ADAMTS18: variants seen among roughly 807,000 people sequenced by gnomAD.
ADAMTS18 encodes the protein A disintegrin and metalloproteinase with thrombospondin motifs 18.
A neutral mutation model predicts 165.9 loss-of-function variants in ADAMTS18; 157 were observed. The ratio of observed to expected loss-of-function variants is 0.95; its 90% CI spans 0.83 to 1.08. The LOEUF (loss-of-function observed/expected upper bound fraction) is 1.08, where lower values mean the gene tolerates loss of function less well. Ranked by LOEUF, ADAMTS18 falls within the 50% of genes least tolerant of loss-of-function variation. ADAMTS18 has a pLI of 0.00. For missense variants in ADAMTS18, 2,040 were observed against 1,534.0 expected, an observed-to-expected ratio of 1.33 and a Z score of -5.51; for synonymous variants, 782 against 578.2, an observed-to-expected ratio of 1.35 and a Z score of -5.06.
intron 5 of ADAMTS18, 113 bp downstream of exon 5, chr16:77,364,075 A>G: frequency 7.2e-7 from 1 of 1,394,654 alleles, no homozygotes; most frequent in Non-Finnish European, 1.0e-6. Context: ...AATGGCAGAA[A>G]CTGCAATTAC....
intron 3 of ADAMTS18, among the ~76,000 whole-genome samples, chr16:77,415,461 G>A (rs1317076567): frequency 6.6e-6 from 1 of 152,178 alleles, no homozygotes; most frequent in African/African-American, 2.4e-5. Context: ...CAAGATGGTT[G>A]CCAGCAACCC....
chr16:77,291,218 T>A (rs767722474), intron 21 of ADAMTS18, 48 bp downstream of exon 21: 1 of 1,603,266 alleles, frequency 6.2e-7, no homozygotes, highest in Non-Finnish European at 8.5e-7. Context: ...CGCCTCATTT[T>A]TCGACATCTC....
chr16:77,382,597 A>G (rs1372281505), intron 3 of ADAMTS18, among the ~76,000 whole-genome samples: 2 of 152,194 alleles, frequency 1.3e-5, no homozygotes, highest in Non-Finnish European at 2.9e-5. Flanking sequence ...TCTAGGGAAG[A>G]TGAAAGAAAG....
intron 3 of ADAMTS18, among the ~76,000 whole-genome samples, chr16:77,430,431 G>A (rs554232595): frequency 6.6e-6 from 1 of 152,192 alleles, no homozygotes; most frequent in South Asian, 2.1e-4. Context: ...CTTGCTTTGT[G>A]CCATGATGTA....
At position 77,307,664 on chromosome 16, in the gene ADAMTS18, C is replaced by G. The variant is rs556684854; in HGVS notation, c.2533-7260G>C. Among the ~76,000 whole-genome samples the G allele has an allele frequency of 1.3e-3, 202 of 152,324 alleles. No homozygotes were observed. In the Middle Eastern group the frequency reaches 0.014, roughly 10 times the overall value. ...CAAAAGTACCTCTGAATCGTCCTCT[C>G]GAGCCTGACTATTCTATCATCTGTT... On this transcript the variant is annotated intron_variant, in intron 16 of 22. Coordinates refer to ENST00000282849, the MANE Select transcript of ADAMTS18 (RefSeq NM_199355.4).
intron 17 of ADAMTS18, among the ~76,000 whole-genome samples, chr16:77,297,916 C>CTTTTTTTTTTT (rs34422251): frequency 4.9e-5 from 3 of 61,534 alleles, no homozygotes; most frequent in Non-Finnish European, 8.3e-5. Context: ...TCTGCTTTTG[C>CTTTTTTTTTTT]TTTTTTTTTT....
Position 77,313,773 on chromosome 16 carries a change from A to C in ADAMTS18, c.2532+6076T>G, listed in dbSNP as rs369673025. Among the ~76,000 whole-genome samples, 130 of 152,286 alleles carry C rather than the reference A, an allele frequency of 8.5e-4. 1 individual carries two copies. Among genetic ancestry groups the C allele is most frequent in the African/African-American group, 2.8e-3 (118 of 41,558 alleles). On this transcript the variant is annotated intron_variant, in intron 16 of 22. Transcript: ENST00000282849. ...GTGGATCGAAGGCCTCTTGGCAAAAATTAATGAAGTCCTGCTCTCTAAAAC... is the reference window on the plus strand; with the variant it reads ...GTGGATCGAAGGCCTCTTGGCAAAACTTAATGAAGTCCTGCTCTCTAAAAC...
chr16:77,320,210 C>G, intron 15 of ADAMTS18, 117 bp from the exon 16 acceptor site: 1 of 1,236,074 alleles, frequency 8.1e-7, no homozygotes, highest in Non-Finnish European at 1.2e-6. Context: ...AAATCATTAT[C>G]TAAATTCATT....
intron 3 of ADAMTS18, among the ~76,000 whole-genome samples, chr16:77,430,376 C>T (rs530297546): frequency 6.6e-6 from 1 of 152,256 alleles, no homozygotes; most frequent in South Asian, 2.1e-4. Context: ...TTTCAACTAA[C>T]AAAGAACATG....
intron 3 of ADAMTS18, among the ~76,000 whole-genome samples, chr16:77,419,550 G>A (rs1464339620): frequency 6.6e-6 from 1 of 152,114 alleles, no homozygotes; most frequent in African/African-American, 2.4e-5. Context: ...CAAATTTAAA[G>A]GGATCACGTA....
At chr16:77,421,991 A>G in intron 3 of ADAMTS18, among the ~76,000 whole-genome samples, 1 of 152,174 alleles carries the variant, frequency 6.6e-6, no homozygotes, top group East Asian at 1.9e-4. Context: ...CCACCAAACA[A>G]GATGTTTGGC....
intron 14 of ADAMTS18, 38 bp downstream of exon 14, chr16:77,322,298 G>T (rs372260500): frequency 8.1e-6 from 13 of 1,608,516 alleles, no homozygotes; most frequent in East Asian, 2.2e-5. Flanking sequence ...TAAAACACAA[G>T]CATGCTCATA....
intron 16 of ADAMTS18, among the ~76,000 whole-genome samples, chr16:77,317,329 G>A (rs926572799): frequency 6.6e-6 from 1 of 152,052 alleles, no homozygotes; most frequent in Admixed American, 6.6e-5. Context: ...ACAGAGGAAC[G>A]CAGTGATTTC....
At chr16:77,284,170 G>C (rs750195536) in intron 22 of ADAMTS18, 99 bp from the exon 23 acceptor site, 248 of 767,722 alleles carry the variant, frequency 3.2e-4, no homozygotes, top group Non-Finnish European at 5.2e-4. Context: ...ACCTAGGCTG[G>C]AGTGCAGTGG....
intron 3 of ADAMTS18, among the ~76,000 whole-genome samples, chr16:77,422,300 A>C (rs1177753562): frequency 6.6e-6 from 1 of 152,014 alleles, no homozygotes; most frequent in Non-Finnish European, 1.5e-5. Context: ...CCACCTGTGG[A>C]GTTATTGCTG....
At chr16:77,389,032 G>C (rs1168763230) in intron 3 of ADAMTS18, among the ~76,000 whole-genome samples, 1 of 152,210 alleles carries the variant, frequency 6.6e-6, no homozygotes, top group African/African-American at 2.4e-5. Flanking sequence ...GGGCACAGTG[G>C]CTCACACGTG....
At chr16:77,345,700 C>G (rs1272940593) in intron 10 of ADAMTS18, among the ~76,000 whole-genome samples, 2 of 152,208 alleles carry the variant, frequency 1.3e-5, no homozygotes, top group Non-Finnish European at 2.9e-5. Context: ...CTTCCTCAGG[C>G]ACACTGGTCA....
At chr16:77,381,767 A>G (rs922212971) in intron 3 of ADAMTS18, among the ~76,000 whole-genome samples, 2 of 152,234 alleles carry the variant, frequency 1.3e-5, no homozygotes, top group African/African-American at 4.8e-5. Context: ...ATGCCACTGC[A>G]GTCCACCCTG....
At chr16:77,339,364 C>T (rs6564431) in intron 11 of ADAMTS18, among the ~76,000 whole-genome samples, 62,165 of 151,736 alleles carry the variant, frequency 0.41, 13,356 homozygotes, top group East Asian at 0.61. Context: ...TTTAAAATAA[C>T]GTGGTGTGGC....
Sources: allele counts gnomAD v4.1 joint callset (sites outside exome capture counted in the v4.1 genomes callset), GRCh38; gene constraint gnomAD v4.1.1; transcripts MANE v1.5; gene names NCBI Gene and HGNC (gene_info 2026-07-23, HGNC 2026-07-21).